The following JADE2 variants were observed in gnomAD, a reference collection of about 807,000 sequenced individuals.
JADE2 encodes the protein jade family PHD finger 2.
A neutral mutation model predicts 85.7 loss-of-function variants in JADE2; 13 were observed. That is an observed-to-expected ratio of 0.15 (90% CI 0.10 to 0.24). JADE2 has a LOEUF of 0.24. JADE2 is among the 10% of genes least tolerant of loss of function. The pLI is 1.00. For missense variants in JADE2, 846 were observed against 1,115.9 expected (o/e 0.76, Z 3.45); for synonymous variants, 440 against 456.1 (o/e 0.96, Z 0.45).
At chr5:134,531,382 C>T (rs1247609160) in intron 1 of JADE2, among the ~76,000 whole-genome samples, 1 of 152,042 alleles carries the variant, frequency 6.6e-6, no homozygotes, top group Non-Finnish European at 1.5e-5. Flanking sequence ...TCTATGAAGC[C>T]TTTGAAAGAT....
chr5:134,557,329 C>T (rs1581444921), intron 4 of JADE2, among the ~76,000 whole-genome samples: 1 of 133,684 alleles, frequency 7.5e-6, no homozygotes, highest in Non-Finnish European at 1.6e-5. Context: ...GATTATGTTG[C>T]CTATGTTTAA....
chr5:134,575,213 C>G (rs911743688), intron 10 of JADE2: 5 of 152,294 alleles, frequency 3.3e-5, no homozygotes, highest in African/African-American at 1.2e-4. Context: ...CTGGTTTGCC[C>G]TGTCCAAAGC....
intron 4 of JADE2, among the ~76,000 whole-genome samples, chr5:134,559,380 G>A (rs1263797278): frequency 6.6e-6 from 1 of 152,294 alleles, no homozygotes; most frequent in South Asian, 2.1e-4. Flanking sequence ...AATCCAGCTG[G>A]CACTACCTCA....
intron 11 of JADE2, among the ~76,000 whole-genome samples, chr5:134,577,811 G>A (rs945315728): frequency 2.0e-5 from 3 of 152,168 alleles, no homozygotes; most frequent in African/African-American, 2.4e-5. Flanking sequence ...AGGCTCTGCC[G>A]CCCTCACATC....
At chr5:134,559,628 C>A (rs1474167037) in intron 4 of JADE2, among the ~76,000 whole-genome samples, 1 of 152,212 alleles carries the variant, frequency 6.6e-6, no homozygotes, top group East Asian at 1.9e-4. Context: ...ACTGCCTGTT[C>A]ACCCACAGTC....
intron 3 of JADE2, among the ~76,000 whole-genome samples, chr5:134,539,790 T>C (rs750395981): frequency 1.1e-4 from 16 of 152,336 alleles, no homozygotes; most frequent in Middle Eastern, 3.4e-3. Context: ...GATGCAGTCC[T>C]GGCTCCACTG....
chr5:134,549,661 CAA>C (rs942879903), intron 3 of JADE2, among the ~76,000 whole-genome samples: 10 of 142,302 alleles, frequency 7.0e-5, no homozygotes, highest in African/African-American at 2.3e-4. Flanking sequence ...TGTCTCAAAA[CAA>C]AAAAAAAAAG....
chr5:134,551,916 T>G, intron 3 of JADE2, 136 bp from the exon 4 acceptor site: 1 of 813,088 alleles, frequency 1.2e-6, no homozygotes, highest in Non-Finnish European at 2.1e-6. Flanking sequence ...TGCTGATTGC[T>G]TTTATTTCGT....
intron 1 of JADE2, chr5:134,533,426 G>GGTAT (rs1417400171): frequency 2.1e-6 from 1 of 470,764 alleles, no homozygotes; most frequent in Non-Finnish European, 2.8e-6. Context: ...TCCTCTGGGA[G>GGTAT]GTATGTCTTT....
At chr5:134,547,287 A>G (rs1762350970) in intron 3 of JADE2, among the ~76,000 whole-genome samples, 1 of 152,218 alleles carries the variant, frequency 6.6e-6, no homozygotes, top group African/African-American at 2.4e-5. Flanking sequence ...CAGATTGGTG[A>G]TTCAATTAGA....
At chr5:134,538,947 C>G (rs1012853439) in intron 3 of JADE2, among the ~76,000 whole-genome samples, 21 of 151,668 alleles carry the variant, frequency 1.4e-4, no homozygotes, top group Admixed American at 1.3e-4. Context: ...ACCTCTGCCT[C>G]CTGGGTTCAA....
intron 3 of JADE2, among the ~76,000 whole-genome samples, chr5:134,540,113 G>A (rs1223104767): frequency 6.6e-6 from 1 of 152,144 alleles, no homozygotes; most frequent in Non-Finnish European, 1.5e-5. Context: ...TTGGTAGGGG[G>A]ATGGGATGTG....
rs542542793 is a variant in JADE2, at chr5:134,526,185, A to G, written c.-1+174A>G. 5,717 of 985,530 alleles carry G rather than the reference A, an allele frequency of 5.8e-3. 17 individuals are homozygous for G. Among genetic ancestry groups the G allele is most frequent in the Non-Finnish European group, 6.4e-3 (5,315 of 830,070 alleles). 61.0% of individuals were successfully genotyped at this position (985,530 alleles called of 1,614,324 possible). The stretch of plus-strand genomic sequence containing the variant: ...GCCAGCGCGGAGAGGGGGGGGATGC[A>G]CAGCACAGGGGAGAGAGATTGCGCA... On this transcript the variant is annotated intron_variant, in intron 1 of 11. Transcript: ENST00000681547.
At chr5:134,571,763 G>C (rs182255069) in intron 9 of JADE2, among the ~76,000 whole-genome samples, 1 of 152,106 alleles carries the variant, frequency 6.6e-6, no homozygotes, top group South Asian at 2.1e-4. Flanking sequence ...TCAGCACCTG[G>C]CCTCCTCCCT....
chr5:134,526,821 C>A, intron 1 of JADE2: 1 of 923,846 alleles, frequency 1.1e-6, no homozygotes, highest in Non-Finnish European at 1.3e-6. Flanking sequence ...GGGCAGCCTC[C>A]ACCTCCGGGG....
At chr5:134,552,897 T>G (rs1036968775) in intron 4 of JADE2, among the ~76,000 whole-genome samples, 3 of 151,418 alleles carry the variant, frequency 2.0e-5, no homozygotes, top group Non-Finnish European at 2.9e-5. Context: ...GATCTTGAAC[T>G]CCTGGGCTCA....
rs1429742264 is a variant in JADE2 at position 134,579,058 on chromosome 5, TG to T, written c.2249del (p.Gly750AlafsTer11). 2 of 1,613,866 alleles carry T rather than the reference TG, an allele frequency of 1.2e-6. No homozygotes were observed. The highest frequency in any genetic ancestry group is 2.7e-5 in the African/African-American group (2 of 74,924). The part of the protein sequence containing the change: ...VPGPAASPKP[L>X]GRLRPPRESK... Reference sequence around the variant, plus strand: ...GGCCCTGCAGCAAGCCCTAAGCCTTTGGGCCGGCTCCGGCCACCCCGCGAGA... The same window carrying T: ...GGCCCTGCAGCAAGCCCTAAGCCTTTGGCCGGCTCCGGCCACCCCGCGAGA... On this transcript the variant is annotated frameshift_variant, in exon 12 of 12. Transcript: ENST00000681547. LOFTEE classifies it high-confidence loss of function. This position sits in a 1 kb window ranked among gnomAD's most constrained non-coding sequence, Gnocchi z 4.6.
chr5:134,529,749 T>C (rs966611157), intron 1 of JADE2, among the ~76,000 whole-genome samples: 3 of 152,252 alleles, frequency 2.0e-5, no homozygotes, highest in Non-Finnish European at 2.9e-5. Flanking sequence ...AGAAGGATCC[T>C]GCAGGTGCCA....
rs1305408957 is a variant in JADE2 at position 134,578,487 on chromosome 5, C to G, written c.1682-7C>G. 2 of 1,559,242 alleles carry G rather than the reference C, an allele frequency of 1.3e-6. No individual in the cohort carries two copies. The highest frequency in any genetic ancestry group is 2.7e-5 in the African/African-American group (2 of 73,900). ...TGGCGTCTCACTTGCCTCCTCTCTC[C>G]CCTCAGCAGGCCTGTCCACCTCATT... On this transcript the variant is annotated splice_region_variant and splice_polypyrimidine_tract_variant and intron_variant, in intron 11 of 11. Coordinates refer to ENST00000681547, the MANE Select transcript of JADE2 (RefSeq NM_001388185.1). The surrounding 1 kb of genome is among the most constrained non-coding windows in gnomAD (Gnocchi z 4.4).
Sources: allele counts gnomAD v4.1 joint callset (sites outside exome capture counted in the v4.1 genomes callset), GRCh38; gene constraint gnomAD v4.1.1; non-coding constraint Gnocchi (gnomAD v3.1); transcripts MANE v1.5; gene names NCBI Gene and HGNC (gene_info 2026-07-23, HGNC 2026-07-21).